IGSF21: variants seen among roughly 807,000 people sequenced by gnomAD.
IGSF21 encodes immunoglobin superfamily member 21.
IGSF21 carries 28 observed loss-of-function variants against 46.8 expected under a neutral mutation model. The ratio of observed to expected loss-of-function variants is 0.60; its 90% CI spans 0.44 to 0.82. The LOEUF (loss-of-function observed/expected upper bound fraction) is 0.82. Ranked by LOEUF, IGSF21 falls within the 40% of genes least tolerant of loss-of-function variation. IGSF21 has a pLI of 0.00. For missense variants in IGSF21, 624 were observed against 665.5 expected (o/e 0.94, Z 0.69); for synonymous variants, 284 against 273.6 (o/e 1.04, Z -0.38).
rs1294133873 is a variant in IGSF21 at position 18,337,769 on chromosome 1, A to G, written c.424+2759A>G. ...GCCCCACACTTGCCCAATCTGAGCA[A>G]TTTCAGAGGGGCTTTCACATTGAGG... is the stretch of plus-strand genomic sequence containing the variant. On this transcript the variant is annotated intron_variant, in intron 4 of 9. Transcript: ENST00000251296. This position sits in a 1 kb window ranked among gnomAD's most constrained non-coding sequence, Gnocchi z 5.7. Among the ~76,000 whole-genome samples, 2 of 152,154 alleles carry G rather than the reference A, an allele frequency of 1.3e-5. No homozygotes were observed. The highest frequency in any genetic ancestry group is 4.8e-5 in the African/African-American group (2 of 41,436).
intron 2 of IGSF21, among the ~76,000 whole-genome samples, chr1:18,265,574 G>A (rs1284879446): frequency 1.3e-5 from 2 of 152,130 alleles, no homozygotes; most frequent in Non-Finnish European, 2.9e-5. Context: ...TTCTTGGAGT[G>A]CTTAGTCTCC....
At chr1:18,242,105 CCA>C (rs1302926889) in intron 2 of IGSF21, among the ~76,000 whole-genome samples, 6 of 152,248 alleles carry the variant, frequency 3.9e-5, no homozygotes, top group Non-Finnish European at 7.3e-5. Flanking sequence ...CGGCACAGAT[CCA>C]CACAGAGGCT....
chr1:18,193,656 A>G (rs1281363275), intron 1 of IGSF21, among the ~76,000 whole-genome samples: 1 of 152,144 alleles, frequency 6.6e-6, no homozygotes, highest in East Asian at 1.9e-4. Flanking sequence ...CATCCAGATT[A>G]AGGGTGGGTC....
At chr1:18,114,210 G>C (rs573850344) in intron 1 of IGSF21, 1 of 152,248 alleles carries the variant, frequency 6.6e-6, no homozygotes, top group South Asian at 2.1e-4. Flanking sequence ...TGCAGTGTGA[G>C]ACTCAAGTTG....
chr1:18,262,762 C>T (rs554131358), intron 2 of IGSF21, among the ~76,000 whole-genome samples: 3 of 152,116 alleles, frequency 2.0e-5, no homozygotes, highest in Non-Finnish European at 4.4e-5. Context: ...TGCTAAGAAC[C>T]AAGTCCTTTC....
At chr1:18,115,165 T>C (rs970899035) in intron 1 of IGSF21, 1 of 152,554 alleles carries the variant, frequency 6.6e-6, no homozygotes, top group Middle Eastern at 3.2e-3. Context: ...TTCCGCCCTT[T>C]CTTGGCTCAG....
intron 1 of IGSF21, among the ~76,000 whole-genome samples, chr1:18,145,175 G>T (rs2086453932): frequency 1.3e-5 from 2 of 150,222 alleles, no homozygotes; most frequent in Admixed American, 1.3e-4. Context: ...GGGAACCGTG[G>T]AGGGAAACAG....
chr1:18,328,208 G>A (rs1044714727), intron 3 of IGSF21, among the ~76,000 whole-genome samples: 4 of 152,292 alleles, frequency 2.6e-5, no homozygotes, highest in Non-Finnish European at 5.9e-5. Context: ...ATCTTAGGTC[G>A]AAAATGCACT....
At chr1:18,341,580 A>T (rs1447654449) in intron 4 of IGSF21, among the ~76,000 whole-genome samples, 1 of 152,134 alleles carries the variant, frequency 6.6e-6, no homozygotes, top group Non-Finnish European at 1.5e-5. Context: ...TCTTGTGTTA[A>T]CTCACTGAAC....
chr1:18,314,668 G>A (rs1187794360), intron 3 of IGSF21, among the ~76,000 whole-genome samples: 1 of 152,186 alleles, frequency 6.6e-6, no homozygotes, highest in Non-Finnish European at 1.5e-5. Context: ...GTGAAGCTGG[G>A]ACCCAGCCAG....
At chr1:18,362,310 C>A (rs2086110132) in intron 5 of IGSF21, 80 bp downstream of exon 5, 1 of 1,003,622 alleles carries the variant, frequency 1.0e-6, no homozygotes, top group African/African-American at 1.6e-5. Context: ...GCAGGTGTCG[C>A]CACTGTGCCT....
chr1:18,305,368 C>A (rs914402943), intron 3 of IGSF21, among the ~76,000 whole-genome samples: 1 of 128,188 alleles, frequency 7.8e-6, no homozygotes, highest in East Asian at 2.4e-4. Flanking sequence ...GATGCATGGA[C>A]GGATGGATGG....
At chr1:18,374,416 AG>A (rs970879388) in intron 6 of IGSF21, among the ~76,000 whole-genome samples, 12 of 152,154 alleles carry the variant, frequency 7.9e-5, no homozygotes, top group Admixed American at 7.2e-4. Context: ...GTGTTAGGCA[AG>A]GGGTATCATT....
chr1:18,331,962 T>A (rs984151383), intron 3 of IGSF21, among the ~76,000 whole-genome samples: 2 of 152,172 alleles, frequency 1.3e-5, no homozygotes, highest in African/African-American at 2.4e-5. Context: ...AACCTGGGCT[T>A]GCTCCTTCAA....
At chr1:18,292,427 G>A (rs1400972294) in intron 3 of IGSF21, among the ~76,000 whole-genome samples, 3 of 152,168 alleles carry the variant, frequency 2.0e-5, no homozygotes, top group East Asian at 1.9e-4. Context: ...TAAGGGCCCC[G>A]AGCTTAAGAG....
At chr1:18,194,401 T>G (rs2086987769) in intron 1 of IGSF21, among the ~76,000 whole-genome samples, 1 of 152,162 alleles carries the variant, frequency 6.6e-6, no homozygotes, top group Non-Finnish European at 1.5e-5. Flanking sequence ...AATGTATTCC[T>G]TTGAAGTTTG....
chr1:18,290,865 A>G lies in IGSF21; in HGVS notation c.184-1001A>G, dbSNP rs2085258412. 6.6e-6 allele frequency among the ~76,000 whole-genome samples: 1 copy of G among 151,180 alleles called. No individual in the cohort carries two copies. Among genetic ancestry groups the G allele is most frequent in the African/African-American group, 2.4e-5 (1 of 41,060 alleles). Reference sequence around the variant, plus strand: ...CCTTTCCCCGCTGCCTCCACCACACAGAGCCGCAGGGAGCTAATTCCACTT... The same window carrying G: ...CCTTTCCCCGCTGCCTCCACCACACGGAGCCGCAGGGAGCTAATTCCACTT... On this transcript the variant is annotated intron_variant, in intron 2 of 9. Coordinates refer to ENST00000251296, the MANE Select transcript of IGSF21 (RefSeq NM_032880.5). This position sits in a 1 kb window ranked among gnomAD's most constrained non-coding sequence, Gnocchi z 4.2.
intron 2 of IGSF21, among the ~76,000 whole-genome samples, chr1:18,244,477 GA>G (rs1292851842): frequency 6.6e-6 from 1 of 152,248 alleles, no homozygotes; most frequent in African/African-American, 2.4e-5. Context: ...GCTCGTGAAG[GA>G]AAGGCAACCC....
At chr1:18,303,953 G>A (rs1409976108) in intron 3 of IGSF21, among the ~76,000 whole-genome samples, 1 of 152,196 alleles carries the variant, frequency 6.6e-6, no homozygotes, top group Non-Finnish European at 1.5e-5. Context: ...AGAGTGATGA[G>A]GAGTCATTGA....
Sources: gnomAD v4.1 joint callset for allele counts (sites outside exome capture counted in the v4.1 genomes callset) on GRCh38, gnomAD v4.1.1 for gene constraint, Gnocchi (gnomAD v3.1) non-coding constraint, MANE v1.5 for transcripts, NCBI Gene and HGNC (gene_info 2026-07-23, HGNC 2026-07-21) for gene names.